The following LAIR1 variants were observed in gnomAD, a reference collection of about 807,000 sequenced individuals.
The protein encoded by LAIR1 is leukocyte associated immunoglobulin like receptor 1.
LAIR1 carries 24 observed loss-of-function variants against 32.8 expected under a neutral mutation model. The ratio of observed to expected loss-of-function variants is 0.73; its 90% CI spans 0.53 to 1.03. The LOEUF is 1.03. Among genes scored for constraint, LAIR1 ranks in the 50% least tolerant of loss-of-function variants. The probability of loss-of-function intolerance (pLI) is 0.00; values close to 1 mark genes in which losing one functional copy is unlikely to be tolerated. For synonymous variants in LAIR1, 150 were observed against 140.5 expected (o/e 1.07, Z -0.48); for missense variants, 355 against 347.5 (o/e 1.02, Z -0.17).
chr19:54,356,584 G>A lies in LAIR1; in HGVS notation c.490C>T (p.Leu164=), dbSNP rs756908044. 5.0e-6 allele frequency: 8 copies of A among 1,613,818 alleles called. No homozygotes were observed. The part of the protein sequence containing the change: ...PASQGLKAEH[L]YILIGVSVVF... ...ACTGAGACCCCGATGAGAATATACA[G>A]ATGCTCAGCTTTCAGGCCTTGGGAA... The change falls in exon 6 of 10, where the codon CTG becomes TTG. Residue 164 remains leucine, a synonymous_variant. Coordinates refer to ENST00000391742, the MANE Select transcript of LAIR1 (RefSeq NM_002287.6).
rs1254772650 is a variant in LAIR1 at position 54,353,165 on chromosome 19, A to G, written c.*2103T>C. 1.6e-4 allele frequency: 16 copies of G among 100,086 alleles called. No individual in the cohort carries two copies. Among genetic ancestry groups the G allele is most frequent in the East Asian group, 5.8e-4 (2 of 3,444 alleles). The allele number at this position is 100,086 out of a possible 1,614,324, so 6.2% of individuals were successfully genotyped here. The stretch of plus-strand genomic sequence containing the variant: ...AACAAGAGCGAAACTCCATCTCAAA[A>G]AAAAAAAAAAAGAGAGAGAGAGACA... On this transcript the variant is annotated 3_prime_UTR_variant, in exon 10 of 10. Transcript: ENST00000391742.
chr19:54,356,375 C>T lies in LAIR1; in HGVS notation c.607G>A (p.Glu203Lys). 1 of 1,591,852 alleles carries T rather than the reference C, an allele frequency of 6.3e-7. No individual in the cohort carries two copies. The highest frequency in any genetic ancestry group is 2.2e-5 in the East Asian group (1 of 44,790). Residue 203 changes from glutamate (E) to lysine (K), a missense_variant, in exon 7 of 10, where the codon GAG becomes AAG. Coordinates refer to ENST00000391742, the MANE Select transcript of LAIR1 (RefSeq NM_002287.6). ...KQGPPRSKDE[E>K]QKPQQRPDLA... Reference sequence around the variant, plus strand: ...CCTCACCTCTGCTGTGGCTTCTGCTCCTCGTCCTTGCTTCTGGGGGGCCCT... The same window carrying T: ...CCTCACCTCTGCTGTGGCTTCTGCTTCTCGTCCTTGCTTCTGGGGGGCCCT...
upstream of LAIR1, among the ~76,000 whole-genome samples, chr19:54,372,826 C>A (rs79870162): frequency 0.051 from 7,731 of 151,288 alleles, 599 homozygotes; most frequent in East Asian, 0.18. Context: ...TGTGAATATT[C>A]TTTCTTTAAA....
upstream of LAIR1, among the ~76,000 whole-genome samples, chr19:54,366,117 G>A (rs1298265635): frequency 1.3e-5 from 2 of 152,134 alleles, no homozygotes; most frequent in East Asian, 1.9e-4. Context: ...GGGGCTGGGA[G>A]GAGGGGGAAA....
upstream of LAIR1, among the ~76,000 whole-genome samples, chr19:54,366,174 C>T (rs1019050921): frequency 1.3e-5 from 2 of 152,162 alleles, no homozygotes; most frequent in African/African-American, 2.4e-5. Flanking sequence ...GCACCACATA[C>T]GACCCATCGT....
chr19:54,358,261 A>C (rs2122405091), intron 4 of LAIR1: 1 of 145,052 alleles, frequency 6.9e-6, no homozygotes, highest in South Asian at 2.2e-4. Context: ...ATTAACTATA[A>C]CACTTGAAAT....
rs1569203754 is a variant in LAIR1, at chr19:54,364,657, AGG to A, written c.34+112_34+113del. On this transcript the variant is annotated intron_variant, in intron 1 of 9. Coordinates refer to ENST00000391742, the MANE Select transcript of LAIR1 (RefSeq NM_002287.6). The surrounding 1 kb of genome is among the most constrained non-coding windows in gnomAD (Gnocchi z 4.8). Reference sequence around the variant, plus strand: ...GGGAGAGCAGCAGGGCAGTCTTGGGAGGAGGAGGACACTTTCCTCCCCAGAAT... The same window carrying A: ...GGGAGAGCAGCAGGGCAGTCTTGGGAAGGAGGACACTTTCCTCCCCAGAAT... The A allele has an allele frequency of 5.2e-6, 5 of 954,232 alleles. No individual in the cohort carries two copies. The African/African-American group carries it at 8.1e-5, about 15-fold the overall frequency. 59.1% of individuals were successfully genotyped at this position (954,232 alleles called of 1,614,324 possible).
rs775094101 is a variant in LAIR1 at position 54,358,670 on chromosome 19, C to T, written c.415+1352G>A. 1.7e-5 allele frequency: 25 copies of T among 1,456,996 alleles called. No individual in the cohort carries two copies. The African/African-American group carries it at 3.3e-4, about 19-fold the overall frequency. The allele number at this position is 1,456,996 out of a possible 1,614,324, so 90.3% of individuals were successfully genotyped here. A position where few individuals can be genotyped will look rare whatever the true frequency, so the allele number is the denominator to read the frequency against. Reference sequence around the variant, plus strand: ...CCTCAGTATTAATAGGAGCATCCCTCCTTTGGGGTTTTCTAATCAGCACTG... The same window carrying T: ...CCTCAGTATTAATAGGAGCATCCCTTCTTTGGGGTTTTCTAATCAGCACTG... On this transcript the variant is annotated intron_variant, in intron 4 of 9. Coordinates refer to ENST00000391742, the MANE Select transcript of LAIR1 (RefSeq NM_002287.6).
Position 54,364,233 on chromosome 19 carries a change from A to T in LAIR1, c.70+62T>A. The T allele has an allele frequency of 1.3e-6, 2 of 1,543,294 alleles. No individual in the cohort carries two copies. Among genetic ancestry groups the T allele is most frequent in the Non-Finnish European group, 1.8e-6 (2 of 1,117,244 alleles). ...CCCTCTAAGAATCAACATCACTCCC[A>T]CCCAGCACTGCCCTTGGGGTGACAG... On this transcript the variant is annotated intron_variant, in intron 2 of 9. Transcript: ENST00000391742. The surrounding 1 kb of genome is among the most constrained non-coding windows in gnomAD (Gnocchi z 4.8).
chr19:54,364,184 T>C lies in LAIR1; in HGVS notation c.70+111A>G, dbSNP rs73604725. The C allele has an allele frequency of 0.15, 184,881 of 1,240,260 alleles. 15,610 individuals carry two copies. Among genetic ancestry groups the C allele is most frequent in the Admixed American group, 0.25 (12,565 of 49,718 alleles). The allele number at this position is 1,240,260 out of a possible 1,614,324, so 76.8% of individuals were successfully genotyped here. On this transcript the variant is annotated intron_variant, in intron 2 of 9. Coordinates refer to ENST00000391742, the MANE Select transcript of LAIR1 (RefSeq NM_002287.6). This position sits in a 1 kb window ranked among gnomAD's most constrained non-coding sequence, Gnocchi z 4.8. Reference sequence around the variant, plus strand: ...ATTTGGAAGAGTTTGCAATCTAGGGTATATTTAAAGGGATCTCTCCAGGCC... The same window carrying C: ...ATTTGGAAGAGTTTGCAATCTAGGGCATATTTAAAGGGATCTCTCCAGGCC...
upstream of LAIR1, among the ~76,000 whole-genome samples, chr19:54,368,905 T>C (rs2082335664): frequency 1.3e-5 from 2 of 151,186 alleles, no homozygotes; most frequent in African/African-American, 4.9e-5. Flanking sequence ...CAAGCTGGTC[T>C]CGAACTCCCG....
chr19:54,371,969 A>C (rs777475880), upstream of LAIR1, among the ~76,000 whole-genome samples: 64 of 151,600 alleles, frequency 4.2e-4, 1 homozygote, highest in Non-Finnish European at 8.5e-4. Context: ...TCTTTTCATG[A>C]CTTGAGAGCT....
At chr19:54,356,296 G>C in intron 7 of LAIR1, 29 bp from the exon 8 acceptor site, 1 of 1,610,780 alleles carries the variant, frequency 6.2e-7, no homozygotes, top group Non-Finnish European at 8.5e-7. Flanking sequence ...GTGAACCTCA[G>C]GGGCAGCCTG....
upstream of LAIR1, chr19:54,365,054 G>T: frequency 2.1e-6 from 3 of 1,398,918 alleles, no homozygotes; most frequent in Non-Finnish European, 2.8e-6. Context: ...AGAGGCAGAT[G>T]ACCGTAAACT....
chr19:54,355,435 G>A lies in LAIR1; in HGVS notation c.718-21C>T, dbSNP rs1027830644. On this transcript the variant is annotated intron_variant, in intron 9 of 9. Transcript: ENST00000391742. The surrounding 1 kb of genome is among the most constrained non-coding windows in gnomAD (Gnocchi z 4.7). ...AGGGCCTAAGAGGGAGAGACCCAGGGTGAGGGAGTGCCTGGTGGAGGGTGA... is the reference window on the plus strand; with the variant it reads ...AGGGCCTAAGAGGGAGAGACCCAGGATGAGGGAGTGCCTGGTGGAGGGTGA... The A allele has an allele frequency of 1.9e-6, 3 of 1,574,804 alleles. No individual in the cohort carries two copies. Among genetic ancestry groups the A allele is most frequent in the African/African-American group, 1.4e-5 (1 of 73,892 alleles).
intron 6 of LAIR1, 44 bp downstream of exon 6, chr19:54,356,447 C>G: frequency 6.2e-7 from 1 of 1,612,196 alleles, no homozygotes; most frequent in Non-Finnish European, 8.5e-7. Context: ...CCTAGCCTCT[C>G]CTGACAGCTT....
At position 54,354,657 on chromosome 19, in the gene LAIR1, A is replaced by G. The variant is rs1284061031; in HGVS notation, c.*611T>C. The G allele has an allele frequency of 1.3e-5, 2 of 152,252 alleles. No individual in the cohort carries two copies. The highest frequency in any genetic ancestry group is 4.8e-5 in the African/African-American group (2 of 41,464). The allele number at this position is 152,252 out of a possible 1,614,324, so 9.4% of individuals were successfully genotyped here. On this transcript the variant is annotated 3_prime_UTR_variant, in exon 10 of 10. Coordinates refer to ENST00000391742, the MANE Select transcript of LAIR1 (RefSeq NM_002287.6). ...CCGAGAGACCTATGCACCCAGGACC[A>G]GGCCTGGGGCTGCCAGATGTGAGGC...
intron 2 of LAIR1, among the ~76,000 whole-genome samples, chr19:54,361,483 C>T (rs2082021988): frequency 6.6e-6 from 1 of 151,888 alleles, no homozygotes; most frequent in South Asian, 2.1e-4. Flanking sequence ...AGTGTCGGAG[C>T]AGCCTGGAGC....
At chr19:54,365,546 T>A (rs1361562992), upstream of LAIR1, among the ~76,000 whole-genome samples, 1 of 152,144 alleles carries the variant, frequency 6.6e-6, no homozygotes, top group Non-Finnish European at 1.5e-5. Flanking sequence ...ATCCCAGCAC[T>A]TCGGGAGGCC....
Sources: gnomAD v4.1 joint callset for allele counts (sites outside exome capture counted in the v4.1 genomes callset) on GRCh38, gnomAD v4.1.1 for gene constraint, Gnocchi (gnomAD v3.1) non-coding constraint, MANE v1.5 for transcripts, NCBI Gene and HGNC (gene_info 2026-07-23, HGNC 2026-07-21) for gene names.